NPNT: variants seen among roughly 807,000 people sequenced by gnomAD.
NPNT encodes the protein preosteoblast EGF-like repeat protein with MAM domain.
In NPNT, 45 loss-of-function variants were observed where a neutral mutation model predicts 68.6. The observed-to-expected ratio is 0.66, with a 90% CI of 0.52 to 0.84. The LOEUF is 0.84. NPNT is among the 40% of genes least tolerant of loss of function. NPNT has a pLI of 0.00. For synonymous variants in NPNT, 233 were observed against 253.3 expected (o/e 0.92, Z 0.76); for missense variants, 672 against 714.8 (o/e 0.94, Z 0.68).
rs138447268 is a variant in NPNT at position 105,943,770 on chromosome 4, A to G, written c.1159+1068A>G. ...TTGTTCCTTTTCTCATTCCTCTATG[A>G]TGAAGCTAAAGTTTGTGCCTTTTAT... On this transcript the variant is annotated intron_variant, in intron 8 of 11. Transcript: ENST00000379987. Among the ~76,000 whole-genome samples the G allele has an allele frequency of 9.8e-3, 1,494 of 152,198 alleles. 6 individuals carry two copies. The highest frequency in any genetic ancestry group is 0.013 in the South Asian group (64 of 4,830).
chr4:105,935,279 C>T (rs1318170991), intron 3 of NPNT, among the ~76,000 whole-genome samples: 1 of 152,146 alleles, frequency 6.6e-6, no homozygotes, highest in African/African-American at 2.4e-5. Flanking sequence ...AACACAAAGC[C>T]TTTCTCTAAC....
chr4:105,908,435 TACTC>T, intron 2 of NPNT, among the ~76,000 whole-genome samples: 1 of 152,326 alleles, frequency 6.6e-6, no homozygotes, highest in East Asian at 1.9e-4. Context: ...GTTATTCACT[TACTC>T]TGAAATGTTA....
chr4:105,959,241 G>T, intron 10 of NPNT, 115 bp downstream of exon 10: 1 of 670,268 alleles, frequency 1.5e-6, no homozygotes. Context: ...ACTTGATAAA[G>T]ATGGTCAAAA....
At position 105,950,132 on chromosome 4, in the gene NPNT, A is replaced by T. The variant is rs1302812946; in HGVS notation, c.1159+7430A>T. ...TGGACATACTGAGTTTTAAAAATTC[A>T]TTGAAGGTTTTATTAACTTCTATTT... On this transcript the variant is annotated intron_variant, in intron 8 of 11. Transcript: ENST00000379987. Among the ~76,000 whole-genome samples the T allele has an allele frequency of 2.0e-5, 3 of 152,332 alleles. No homozygotes were observed. In the East Asian group the frequency reaches 5.8e-4, roughly 29 times the overall value.
chr4:105,896,231 C>T (rs1035013429), intron 1 of NPNT, among the ~76,000 whole-genome samples: 1 of 152,112 alleles, frequency 6.6e-6, no homozygotes, highest in African/African-American at 2.4e-5. Context: ...ATTTGTGGGC[C>T]TCTCCATTTG....
chr4:105,933,244 C>T (rs574434001), intron 3 of NPNT, among the ~76,000 whole-genome samples: 1 of 152,268 alleles, frequency 6.6e-6, no homozygotes, highest in South Asian at 2.1e-4. Context: ...AACAGGGAGA[C>T]AGTAATTCCT....
chr4:105,945,193 G>A (rs531145116), intron 8 of NPNT, among the ~76,000 whole-genome samples: 4 of 152,194 alleles, frequency 2.6e-5, no homozygotes, highest in South Asian at 4.2e-4. Flanking sequence ...ATATTTATGG[G>A]GTATGAAAGA....
At chr4:105,953,237 C>T (rs532123437) in intron 8 of NPNT, among the ~76,000 whole-genome samples, 1 of 152,318 alleles carries the variant, frequency 6.6e-6, no homozygotes, top group South Asian at 2.1e-4. Flanking sequence ...AAAGTTCCTA[C>T]AATACATAAA....
chr4:105,928,059 T>G (rs990453646), intron 3 of NPNT, among the ~76,000 whole-genome samples: 3 of 152,196 alleles, frequency 2.0e-5, no homozygotes, highest in Non-Finnish European at 4.4e-5. Flanking sequence ...GAGCATTATT[T>G]ATTATAATTA....
intron 2 of NPNT, among the ~76,000 whole-genome samples, chr4:105,921,111 C>T (rs1219584983): frequency 1.3e-5 from 2 of 152,060 alleles, no homozygotes; most frequent in Non-Finnish European, 2.9e-5. Context: ...TGCAACTTTT[C>T]GCTCCTTTTA....
Position 105,942,297 on chromosome 4 carries a change from ACT to A in NPNT, c.764-7_764-6del. 6.3e-7 allele frequency: 1 copy of A among 1,574,994 alleles called. No individual in the cohort carries two copies. The highest frequency in any genetic ancestry group is 8.6e-7 in the Non-Finnish European group (1 of 1,156,218). On this transcript the variant is annotated splice_region_variant and splice_polypyrimidine_tract_variant and intron_variant, in intron 7 of 11. Coordinates refer to ENST00000379987, the MANE Select transcript of NPNT (RefSeq NM_001033047.3). The stretch of plus-strand genomic sequence containing the variant: ...GGTTACATACTGATTTAAGTCTTTG[ACT>A]CTTTCAGATATCCCAAAAGTTATGA...
At chr4:105,941,818 AAAGTGTGGAT>A (rs1407812020) in intron 7 of NPNT, among the ~76,000 whole-genome samples, 1 of 152,222 alleles carries the variant, frequency 6.6e-6, no homozygotes, top group Non-Finnish European at 1.5e-5. Context: ...GAATTTATAT[AAAGTGTGGAT>A]AAGAAAAGTA....
intron 6 of NPNT, 150 bp from the exon 7 acceptor site, chr4:105,940,364 C>T (rs1405415514): frequency 5.9e-6 from 6 of 1,018,404 alleles, no homozygotes; most frequent in Non-Finnish European, 8.9e-6. Flanking sequence ...AGTTCTCAGT[C>T]TACATGTAGT....
intron 8 of NPNT, among the ~76,000 whole-genome samples, chr4:105,956,602 C>G (rs953191299): frequency 6.6e-6 from 1 of 152,128 alleles, no homozygotes; most frequent in Non-Finnish European, 1.5e-5. Flanking sequence ...GGGACAAAAA[C>G]ATGATTGTTC....
chr4:105,910,997 A>G (rs1727318314), intron 2 of NPNT, among the ~76,000 whole-genome samples: 1 of 152,144 alleles, frequency 6.6e-6, no homozygotes, highest in South Asian at 2.1e-4. Flanking sequence ...CAATTAAAGA[A>G]TATTAAAGAA....
chr4:105,918,526 A>G (rs1720113027), intron 2 of NPNT, among the ~76,000 whole-genome samples: 1 of 152,136 alleles, frequency 6.6e-6, no homozygotes, highest in Non-Finnish European at 1.5e-5. Context: ...TATCTATTAT[A>G]TTTCCTTTTT....
intron 3 of NPNT, among the ~76,000 whole-genome samples, chr4:105,935,543 G>T (rs1485684214): frequency 2.6e-5 from 4 of 152,126 alleles, no homozygotes; most frequent in Admixed American, 2.6e-4. Flanking sequence ...ACTGTAATCT[G>T]CATGGCGCTT....
In NPNT at chr4:105,971,651, A is replaced by T. The variant is rs1479631954; in HGVS notation, c.*2661A>T. 1 of 153,066 alleles carries T rather than the reference A, an allele frequency of 6.5e-6. No individual in the cohort carries two copies. Among genetic ancestry groups the T allele is most frequent in the Admixed American group, 6.5e-5 (1 of 15,344 alleles). The allele number at this position is 153,066 out of a possible 1,614,324, so 9.5% of individuals were successfully genotyped here. On this transcript the variant is annotated 3_prime_UTR_variant, in exon 12 of 12. Coordinates refer to ENST00000379987, the MANE Select transcript of NPNT (RefSeq NM_001033047.3). The stretch of plus-strand genomic sequence containing the variant: ...GCCTAATAAAAACAATTATTTGTAA[A>T]TAAAAACACTGTTAGTAATACCAGT...
chr4:105,915,101 G>A (rs774426265), intron 2 of NPNT, among the ~76,000 whole-genome samples: 8 of 152,116 alleles, frequency 5.3e-5, no homozygotes, highest in Non-Finnish European at 1.0e-4. Context: ...CAGGAGACAC[G>A]GATATAAGGG....
Sources: gnomAD v4.1 joint callset for allele counts (sites outside exome capture counted in the v4.1 genomes callset) on GRCh38, gnomAD v4.1.1 for gene constraint, MANE v1.5 for transcripts, NCBI Gene and HGNC (gene_info 2026-07-23, HGNC 2026-07-21) for gene names.